Variants in GC observed in about 807,000 individuals in gnomAD.
GC encodes vitamin D-binding protein.
Under a neutral mutation model 56.7 loss-of-function variants are expected in GC, and 43 were observed. The ratio of observed to expected loss-of-function variants is 0.76; its 90% CI spans 0.59 to 0.98. GC has a LOEUF of 0.98. GC is among the 50% of genes least tolerant of loss of function. GC has a pLI of 0.00. For missense variants in GC, 529 were observed against 545.9 expected (o/e 0.97, Z 0.31); for synonymous variants, 216 against 202.7 (o/e 1.07, Z -0.56).
At chr4:71,760,715 G>C (rs984138013) in intron 6 of GC, among the ~76,000 whole-genome samples, 1 of 152,136 alleles carries the variant, frequency 6.6e-6, no homozygotes, top group Non-Finnish European at 1.5e-5. Context: ...TGAATCATGG[G>C]GGTGGGTCTT....
chr4:71,771,363 A>G (rs222023), intron 1 of GC, among the ~76,000 whole-genome samples: 123,972 of 151,828 alleles, frequency 0.82, 53,197 homozygotes, highest in Non-Finnish European at 0.95. Context: ...TCTCTTTAGG[A>G]CTCATCAGAT....
intron 1 of GC, among the ~76,000 whole-genome samples, chr4:71,773,001 C>T (rs1213487913): frequency 1.3e-5 from 2 of 151,968 alleles, no homozygotes; most frequent in African/African-American, 4.8e-5. Context: ...TAATTGATTC[C>T]CCATTCCATG....
chr4:71,784,094 G>T (rs765390298), upstream of GC: 3 of 1,533,238 alleles, frequency 2.0e-6, no homozygotes, highest in East Asian at 2.3e-5. Context: ...AAAAGTAATT[G>T]GTTTCCTTTT....
At chr4:71,755,859 T>C (rs113461052) in intron 8 of GC, among the ~76,000 whole-genome samples, 87 of 152,304 alleles carry the variant, frequency 5.7e-4, no homozygotes, top group African/African-American at 1.5e-3. Flanking sequence ...CAATACACAT[T>C]TAGAAAAATG....
chr4:71,779,176 T>A (rs1742598804), intron 1 of GC, among the ~76,000 whole-genome samples: 1 of 151,868 alleles, frequency 6.6e-6, no homozygotes, highest in Non-Finnish European at 1.5e-5. Flanking sequence ...TGCCAAGTAA[T>A]GTTCTATTAC....
chr4:71,762,867 T>C (rs1423645084), intron 6 of GC, among the ~76,000 whole-genome samples: 1 of 152,222 alleles, frequency 6.6e-6, no homozygotes, highest in Non-Finnish European at 1.5e-5. Flanking sequence ...AACCTCTTGC[T>C]TTTGTAAATT....
chr4:71,784,157 A>T, upstream of GC: 3 of 1,346,954 alleles, frequency 2.2e-6, no homozygotes, highest in South Asian at 4.4e-5. Context: ...GAAGCAACAC[A>T]GAATTATTAT....
chr4:71,774,430 A>G (rs1435334491), intron 1 of GC, among the ~76,000 whole-genome samples: 2 of 151,886 alleles, frequency 1.3e-5, no homozygotes, highest in East Asian at 1.9e-4. Context: ...TTCTCCATGC[A>G]TTTCATCCCA....
intron 1 of GC, chr4:71,803,779 C>A (rs141824743): frequency 3.1e-6 from 2 of 647,268 alleles, no homozygotes; most frequent in Non-Finnish European, 5.5e-6. Flanking sequence ...ATCGAGAAAT[C>A]ACTTTCTTAT....
chr4:71,752,486 G>A, intron 11 of GC, 32 bp downstream of exon 11: 1 of 1,581,828 alleles, frequency 6.3e-7, no homozygotes, highest in Non-Finnish European at 8.6e-7. Flanking sequence ...AAAAGATTCT[G>A]CCATGTTAAG....
chr4:71,764,887 G>T (rs1436823336), intron 4 of GC, among the ~76,000 whole-genome samples: 1 of 152,062 alleles, frequency 6.6e-6, no homozygotes, highest in African/African-American at 2.4e-5. Context: ...CTAACATAAA[G>T]ATTCAGTGTA....
chr4:71,771,616 C>A (rs1306045285), intron 1 of GC, among the ~76,000 whole-genome samples: 6 of 152,144 alleles, frequency 3.9e-5, no homozygotes, highest in Admixed American at 1.3e-4. Flanking sequence ...ATTCTGGCAA[C>A]TAGGACAAGG....
intron 12 of GC, among the ~76,000 whole-genome samples, chr4:71,744,924 C>A (rs1341739946): frequency 6.6e-6 from 1 of 152,028 alleles, no homozygotes; most frequent in Non-Finnish European, 1.5e-5. Context: ...ATTTTTATTC[C>A]TTGGAAAATT....
rs762921758 is a variant in GC at position 71,765,421 on chromosome 4, A to G, written c.473+11T>C. ...AGGTCCTAAAGTTCTATTTATGATG[A>G]AGGCACTCACTGATTAGCATATTCC... On this transcript the variant is annotated intron_variant, in intron 4 of 12. Coordinates refer to ENST00000273951, the MANE Select transcript of GC (RefSeq NM_000583.4). The G allele has an allele frequency of 7.5e-6, 12 of 1,600,342 alleles. No individual in the cohort carries two copies. The East Asian group carries it at 2.7e-4, about 36-fold the overall frequency.
intron 1 of GC, among the ~76,000 whole-genome samples, chr4:71,791,489 G>A (rs545653905): frequency 8.6e-5 from 13 of 151,966 alleles, no homozygotes; most frequent in African/African-American, 3.1e-4. Flanking sequence ...TATTGGGATT[G>A]CATTAAATCT....
intron 1 of GC, among the ~76,000 whole-genome samples, chr4:71,797,010 C>T (rs1743122857): frequency 6.6e-6 from 1 of 152,186 alleles, no homozygotes; most frequent in Non-Finnish European, 1.5e-5. Flanking sequence ...TGCAGAACAG[C>T]AAATATTGCA....
chr4:71,783,167 C>A (rs1463109870), intron 1 of GC, among the ~76,000 whole-genome samples: 1 of 151,676 alleles, frequency 6.6e-6, no homozygotes, highest in Non-Finnish European at 1.5e-5. Context: ...TAACTGACAG[C>A]ACTAAATGAA....
intron 1 of GC, among the ~76,000 whole-genome samples, chr4:71,781,088 A>G (rs1042676095): frequency 1.3e-5 from 2 of 152,102 alleles, no homozygotes; most frequent in Admixed American, 6.6e-5. Flanking sequence ...TTTTGCAGGG[A>G]CATGGGTGAA....
At chr4:71,768,243 G>C (rs549798594) in intron 3 of GC, 58 bp downstream of exon 3, 44 of 1,458,274 alleles carry the variant, frequency 3.0e-5, no homozygotes, top group Non-Finnish European at 3.9e-5. Context: ...TGGTATAAAG[G>C]CCTATTTTGG....
Sources: allele counts gnomAD v4.1 joint callset (sites outside exome capture counted in the v4.1 genomes callset), GRCh38; gene constraint gnomAD v4.1.1; transcripts MANE v1.5; gene names NCBI Gene and HGNC (gene_info 2026-07-23, HGNC 2026-07-21).